The following KIN variants were observed in gnomAD, a reference collection of about 807,000 sequenced individuals.
KIN encodes the protein DNA/RNA-binding protein KIN17.
Under a neutral mutation model 63.0 loss-of-function variants are expected in KIN, and 47 were observed. The observed-to-expected ratio is 0.75, with a 90% CI of 0.59 to 0.95. The LOEUF is 0.95. Among genes scored for constraint, KIN ranks in the 40% least tolerant of loss-of-function variants. The pLI is 0.00. For synonymous variants in KIN, 160 were observed against 157.7 expected, an observed-to-expected ratio of 1.01 and a Z score of -0.11; for missense variants, 408 against 460.9, an observed-to-expected ratio of 0.89 and a Z score of 1.05.
At chr10:7,758,010 ATTTT>A (rs34809948) in intron 12 of KIN, among the ~76,000 whole-genome samples, 7 of 138,902 alleles carry the variant, frequency 5.0e-5, no homozygotes, top group African/African-American at 2.7e-5. Flanking sequence ...ATATACAGAG[ATTTT>A]TTTTTTTTTT....
chr10:7,777,087 C>T (rs955534345), intron 5 of KIN, among the ~76,000 whole-genome samples: 5 of 144,304 alleles, frequency 3.5e-5, no homozygotes, highest in African/African-American at 1.3e-4. Context: ...ATAGAACTTA[C>T]ATGCTTTGCA....
intron 9 of KIN, among the ~76,000 whole-genome samples, chr10:7,765,012 A>C (rs974061314): frequency 6.6e-6 from 1 of 152,008 alleles, no homozygotes; most frequent in African/African-American, 2.4e-5. Context: ...ATACAAAATT[A>C]ACCGGATGTG....
At chr10:7,760,192 C>T (rs1463927701) in intron 11 of KIN, among the ~76,000 whole-genome samples, 1 of 152,122 alleles carries the variant, frequency 6.6e-6, no homozygotes, top group East Asian at 1.9e-4. Context: ...TATAAGACTT[C>T]TCATTTTTCC....
Position 7,752,766 on chromosome 10 carries a change from AAAC to A in KIN, c.*3311_*3313del, listed in dbSNP as rs1410190411. On this transcript the variant is annotated 3_prime_UTR_variant, in exon 13 of 13. Coordinates refer to ENST00000379562, the MANE Select transcript of KIN (RefSeq NM_012311.4). ...CTATCGAGCCACAAAAACCTAACCA[AAAC>A]AACATGGAGGAACCTTACATGCATA... 1.3e-5 allele frequency: 2 copies of A among 152,204 alleles called. No homozygotes were observed. The highest frequency in any genetic ancestry group is 2.9e-5 in the Non-Finnish European group (2 of 68,044). 9.4% of individuals were successfully genotyped at this position (152,204 alleles called of 1,614,324 possible).
chr10:7,773,711 A>G (rs1835710672), intron 7 of KIN, among the ~76,000 whole-genome samples: 1 of 152,222 alleles, frequency 6.6e-6, no homozygotes, highest in Non-Finnish European at 1.5e-5. Flanking sequence ...ATGACCTACA[A>G]ACAAACCCGA....
intron 8 of KIN, among the ~76,000 whole-genome samples, chr10:7,767,439 G>C (rs1835570353): frequency 1.3e-5 from 2 of 152,182 alleles, no homozygotes; most frequent in Admixed American, 1.3e-4. Flanking sequence ...CTACTATACA[G>C]ACCCGGGGGC....
At chr10:7,786,585 G>A (rs1302160512) in intron 1 of KIN, among the ~76,000 whole-genome samples, 1 of 151,554 alleles carries the variant, frequency 6.6e-6, no homozygotes, top group Non-Finnish European at 1.5e-5. Context: ...GATGAACAGG[G>A]TGGGACCGTA....
intron 8 of KIN, among the ~76,000 whole-genome samples, chr10:7,766,950 G>A (rs1049866068): frequency 6.6e-6 from 1 of 151,500 alleles, no homozygotes; most frequent in Non-Finnish European, 1.5e-5. Flanking sequence ...TGAACCCTGT[G>A]AGGCGGAGGT....
At chr10:7,763,582 G>C in intron 10 of KIN, 141 bp downstream of exon 10, 1 of 613,620 alleles carries the variant, frequency 1.6e-6, no homozygotes, top group Non-Finnish European at 2.9e-6. Flanking sequence ...CATGAATTCA[G>C]CTTCCATTTC....
intron 12 of KIN, among the ~76,000 whole-genome samples, chr10:7,756,587 T>C (rs1007074659): frequency 1.3e-5 from 2 of 152,164 alleles, no homozygotes; most frequent in African/African-American, 4.8e-5. Flanking sequence ...GAGATGCCAC[T>C]TGAGGGCAGT....
chr10:7,769,183 C>A, intron 8 of KIN, 33 bp downstream of exon 8: 1 of 1,574,846 alleles, frequency 6.3e-7, no homozygotes, highest in South Asian at 1.2e-5. Flanking sequence ...TCCTTGGGTT[C>A]TAAGGTGTCC....
chr10:7,751,214 A>G lies in KIN; in HGVS notation c.*4866T>C, dbSNP rs532966652. 1 of 152,354 alleles carries G rather than the reference A, an allele frequency of 6.6e-6. No individual in the cohort carries two copies. Among genetic ancestry groups the G allele is most frequent in the Non-Finnish European group, 1.5e-5 (1 of 68,022 alleles). 9.4% of individuals were successfully genotyped at this position (152,354 alleles called of 1,614,324 possible). On this transcript the variant is annotated 3_prime_UTR_variant, in exon 13 of 13. Transcript: ENST00000379562. ...TTCCTAAAATGAACGTATTTTCAAA[A>G]GTCAAATTGGTGAACTTGCACTTTA...
chr10:7,758,728 A>C (rs919993612), intron 12 of KIN, among the ~76,000 whole-genome samples: 5 of 152,158 alleles, frequency 3.3e-5, no homozygotes, highest in Non-Finnish European at 7.4e-5. Flanking sequence ...GTTGTCAAGG[A>C]AATACTGGAT....
chr10:7,762,421 T>C (rs1835453097), intron 11 of KIN, 36 bp downstream of exon 11: 1 of 1,164,494 alleles, frequency 8.6e-7, no homozygotes, highest in Non-Finnish European at 1.3e-6. Flanking sequence ...CTCATTTTGA[T>C]GGCATATGTA....
chr10:7,785,996 T>C (rs150509010), intron 1 of KIN, among the ~76,000 whole-genome samples: 100 of 152,272 alleles, frequency 6.6e-4, no homozygotes, highest in African/African-American at 2.3e-3. Context: ...TATGCATTTG[T>C]CAAAACCCAT....
chr10:7,768,358 A>G (rs556107660), intron 8 of KIN, among the ~76,000 whole-genome samples: 88 of 152,182 alleles, frequency 5.8e-4, no homozygotes, highest in Non-Finnish European at 9.7e-4. Flanking sequence ...TGTCTCTACT[A>G]AAAATACAAA....
At chr10:7,775,704 T>G (rs765134464) in intron 6 of KIN, 47 bp downstream of exon 6, 1 of 1,035,162 alleles carries the variant, frequency 9.7e-7, no homozygotes, top group Non-Finnish European at 1.4e-6. Flanking sequence ...AAAGCCAATA[T>G]AAAAGCATCT....
At chr10:7,776,419 G>C (rs1052266303) in intron 5 of KIN, among the ~76,000 whole-genome samples, 5 of 150,440 alleles carry the variant, frequency 3.3e-5, no homozygotes, top group Non-Finnish European at 7.4e-5. Context: ...GCGGGCGCCT[G>C]TAATGCCAGC....
chr10:7,759,760 C>T (rs1835401820), intron 12 of KIN, 130 bp downstream of exon 12: 1 of 519,318 alleles, frequency 1.9e-6, no homozygotes. Flanking sequence ...AATAAGCTTA[C>T]AGATTTCCAA....
Sources: allele counts gnomAD v4.1 joint callset (sites outside exome capture counted in the v4.1 genomes callset), GRCh38; gene constraint gnomAD v4.1.1; transcripts MANE v1.5; gene names NCBI Gene and HGNC (gene_info 2026-07-23, HGNC 2026-07-21).